SPAG9: variants seen among roughly 807,000 people sequenced by gnomAD.
The protein encoded by SPAG9 is C-Jun-amino-terminal kinase-interacting protein 4.
In SPAG9, 35 loss-of-function variants were observed where a neutral mutation model predicts 166.5. The ratio of observed to expected loss-of-function variants is 0.21; its 90% CI spans 0.16 to 0.28. The LOEUF (loss-of-function observed/expected upper bound fraction) is 0.28. SPAG9 is among the 10% of genes least tolerant of loss of function. The pLI, the probability that SPAG9 is intolerant of heterozygous loss-of-function variation, is 1.00. For missense variants in SPAG9, 1,235 were observed against 1,603.3 expected (o/e 0.77, Z 3.92); for synonymous variants, 534 against 565.5 (o/e 0.94, Z 0.79).
rs201956007 is a variant in SPAG9, at chr17:51,021,292, G to A, written c.857C>T (p.Ala286Val). The change falls in exon 7 of 30, where the codon GCA becomes GTA. Residue 286 changes from alanine (A) to valine (V), a missense_variant. Physicochemically the swap from Ala to Val is moderately conservative, Grantham distance 64 (BLOSUM62 0). Coordinates refer to ENST00000262013, the MANE Select transcript of SPAG9 (RefSeq NM_001130528.3). ...TPASTANSDV[A>V]TIPTDTPLKE... is the part of the protein sequence containing the mutation. ...TAAGGGAGTATCAGTAGGAATTGTT[G>A]CCACATCTGAATTAGCTGTTGATGC... 1 of 1,614,038 alleles carries A rather than the reference G, an allele frequency of 6.2e-7. No homozygotes were observed. The highest frequency in any genetic ancestry group is 8.5e-7 in the Non-Finnish European group (1 of 1,179,948).
At chr17:51,022,631 CTAA>C (rs57083539) in intron 6 of SPAG9, among the ~76,000 whole-genome samples, 47 of 148,158 alleles carry the variant, frequency 3.2e-4, no homozygotes, top group Middle Eastern at 3.5e-3. Flanking sequence ...GCCACCACCA[CTAA>C]TAATAATAAT....
intron 1 of SPAG9, among the ~76,000 whole-genome samples, chr17:51,104,503 G>C (rs2048887011): frequency 1.3e-5 from 2 of 152,166 alleles, no homozygotes; most frequent in South Asian, 4.1e-4. Flanking sequence ...AGGTGTGGTG[G>C]CGCTTGCCTG....
Position 50,979,944 on chromosome 17 carries a change from T to A in SPAG9, c.3238-27A>T, listed in dbSNP as rs778928164. On this transcript the variant is annotated intron_variant, in intron 25 of 29. Coordinates refer to ENST00000262013, the MANE Select transcript of SPAG9 (RefSeq NM_001130528.3). Reference sequence around the variant, plus strand: ...TAGGAGAGATTGTCCAATCACAAAGTTACTTTTGCTACATAGAATTTCATA... The same window carrying A: ...TAGGAGAGATTGTCCAATCACAAAGATACTTTTGCTACATAGAATTTCATA... The A allele has an allele frequency of 4.4e-6, 7 of 1,599,936 alleles. No homozygotes were observed. The Admixed American group carries it at 5.0e-5, about 11-fold the overall frequency.
At chr17:51,101,922 G>T (rs745606311) in intron 1 of SPAG9, among the ~76,000 whole-genome samples, 13 of 152,242 alleles carry the variant, frequency 8.5e-5, no homozygotes, top group Non-Finnish European at 1.8e-4. Flanking sequence ...ACCGCGCCTG[G>T]CCTATACCAT....
At position 51,063,035 on chromosome 17, in the gene SPAG9, T is replaced by G. The variant is rs114498652; in HGVS notation, c.425-6553A>C. On this transcript the variant is annotated intron_variant, in intron 2 of 29. Coordinates refer to ENST00000262013, the MANE Select transcript of SPAG9 (RefSeq NM_001130528.3). ...ACAGGTCTCAAACTTTTACTATCTCTTTCACACACAAAATTTCATGTTTTT... is the reference window on the plus strand; with the variant it reads ...ACAGGTCTCAAACTTTTACTATCTCGTTCACACACAAAATTTCATGTTTTT... 5.5e-3 allele frequency among the ~76,000 whole-genome samples: 845 copies of G among 152,354 alleles called. 6 individuals are homozygous for G. Among genetic ancestry groups the G allele is most frequent in the African/African-American group, 0.019 (780 of 41,578 alleles).
At chr17:50,994,378 C>G (rs1428347554) in intron 18 of SPAG9, among the ~76,000 whole-genome samples, 1 of 152,114 alleles carries the variant, frequency 6.6e-6, no homozygotes. Context: ...TTTTTTCCTT[C>G]CCAGTCTCGG....
At chr17:51,022,651 A>AAT (rs2045985246) in intron 6 of SPAG9, among the ~76,000 whole-genome samples, 1 of 151,204 alleles carries the variant, frequency 6.6e-6, no homozygotes, top group Non-Finnish European at 1.5e-5. Flanking sequence ...TAATAATAAT[A>AAT]ATAATAATAA....
intron 1 of SPAG9, among the ~76,000 whole-genome samples, chr17:51,114,636 A>C (rs1313403686): frequency 6.6e-6 from 1 of 152,024 alleles, no homozygotes; most frequent in Non-Finnish European, 1.5e-5. Flanking sequence ...AGTCTCAAAA[A>C]TAAATAAAAT....
At chr17:51,116,441 T>A (rs1475398271) in intron 1 of SPAG9, among the ~76,000 whole-genome samples, 1 of 152,110 alleles carries the variant, frequency 6.6e-6, no homozygotes, top group Non-Finnish European at 1.5e-5. Flanking sequence ...TCTCTCCAGA[T>A]CATTTTGTAT....
At chr17:51,084,038 A>G (rs1173760529) in intron 1 of SPAG9, 1 of 152,102 alleles carries the variant, frequency 6.6e-6, no homozygotes, top group African/African-American at 2.4e-5. Flanking sequence ...AGGAAAAGTA[A>G]AGGTTACAGT....
intron 2 of SPAG9, among the ~76,000 whole-genome samples, chr17:51,071,192 A>T (rs930744696): frequency 3.3e-5 from 5 of 152,316 alleles, no homozygotes; most frequent in African/African-American, 1.2e-4. Flanking sequence ...AACTGTATTA[A>T]AATATCTATA....
chr17:51,005,317 C>A (rs1597970328), intron 11 of SPAG9, 54 bp from the exon 12 acceptor site: 2 of 1,544,780 alleles, frequency 1.3e-6, no homozygotes, highest in African/African-American at 1.4e-5. Context: ...CTCATCTTTT[C>A]AAAAAAATAA....
chr17:51,033,551 G>A (rs768200421), intron 5 of SPAG9, among the ~76,000 whole-genome samples: 2 of 152,136 alleles, frequency 1.3e-5, no homozygotes, highest in Non-Finnish European at 2.9e-5. Flanking sequence ...AGGATCTTGC[G>A]ATATTGCCCA....
chr17:51,052,497 T>C (rs1384898957), intron 3 of SPAG9, among the ~76,000 whole-genome samples: 1 of 152,168 alleles, frequency 6.6e-6, no homozygotes, highest in Non-Finnish European at 1.5e-5. Context: ...GGAGGAGATC[T>C]ATGAAAAGAG....
At chr17:51,046,622 A>G in intron 4 of SPAG9, 1 of 1,536,134 alleles carries the variant, frequency 6.5e-7, no homozygotes, top group South Asian at 1.2e-5. Flanking sequence ...CCCCGCCAAC[A>G]AAGCCAAACA....
chr17:51,066,197 C>A (rs987488176), intron 2 of SPAG9, among the ~76,000 whole-genome samples: 1 of 151,936 alleles, frequency 6.6e-6, no homozygotes, highest in African/African-American at 2.4e-5. Context: ...CCTTGACTTC[C>A]TGGGCTCAAG....
intron 1 of SPAG9, among the ~76,000 whole-genome samples, chr17:51,087,827 C>T (rs1218494066): frequency 1.3e-5 from 2 of 152,178 alleles, no homozygotes; most frequent in Non-Finnish European, 2.9e-5. Context: ...CCTCGACTTC[C>T]TGGGCTCAAG....
chr17:51,033,951 C>T (rs1291380732), intron 5 of SPAG9, among the ~76,000 whole-genome samples: 1 of 152,200 alleles, frequency 6.6e-6, no homozygotes, highest in Non-Finnish European at 1.5e-5. Context: ...TTTGAAAGTG[C>T]TGCTTATTTA....
At chr17:51,077,312 G>A (rs1015668749) in intron 2 of SPAG9, among the ~76,000 whole-genome samples, 7 of 151,934 alleles carry the variant, frequency 4.6e-5, no homozygotes, top group African/African-American at 1.7e-4. Flanking sequence ...CAGTAGAGAC[G>A]GGGTTCTCCA....
Sources: gnomAD v4.1 joint callset for allele counts (sites outside exome capture counted in the v4.1 genomes callset) on GRCh38, gnomAD v4.1.1 for gene constraint, MANE v1.5 for transcripts, NCBI Gene and HGNC (gene_info 2026-07-23, HGNC 2026-07-21) for gene names.